BNC2: variants seen among roughly 807,000 people sequenced by gnomAD.
BNC2 encodes the protein basonuclin zinc finger protein 2.
BNC2 carries 20 observed loss-of-function variants against 76.3 expected under a neutral mutation model. The ratio of observed to expected loss-of-function variants is 0.26; its 90% CI spans 0.18 to 0.38. The LOEUF is 0.38. Among genes scored for constraint, BNC2 ranks in the 10% least tolerant of loss-of-function variants. The probability of loss-of-function intolerance (pLI) is 1.00; values close to 1 mark genes in which losing one functional copy is unlikely to be tolerated. For synonymous variants in BNC2, 582 were observed against 514.8 expected (o/e 1.13, Z -1.77); for missense variants, 1,382 against 1,399.8 (o/e 0.99, Z 0.20).
At chr9:16,686,442 C>G (rs1822981395) in intron 3 of BNC2, among the ~76,000 whole-genome samples, 1 of 152,076 alleles carries the variant, frequency 6.6e-6, no homozygotes, top group Non-Finnish European at 1.5e-5. Context: ...AACATGTTTT[C>G]TGCTTTTTAA....
intron 5 of BNC2, among the ~76,000 whole-genome samples, chr9:16,507,945 A>G (rs548827402): frequency 2.0e-5 from 3 of 152,220 alleles, no homozygotes; most frequent in African/African-American, 7.2e-5. Context: ...TCATTATTAT[A>G]ATACTTCACT....
intron 4 of BNC2, chr9:16,580,060 C>A (rs1003367337): frequency 5.0e-6 from 2 of 398,374 alleles, no homozygotes; most frequent in Non-Finnish European, 8.8e-6. Context: ...TTGCCCCACA[C>A]CCAGGACACT....
chr9:16,486,391 A>C (rs890872140), intron 5 of BNC2, among the ~76,000 whole-genome samples: 2 of 152,116 alleles, frequency 1.3e-5, no homozygotes, highest in Non-Finnish European at 2.9e-5. Flanking sequence ...TATTTGGTTA[A>C]ATGTTTAGGT....
intron 1 of BNC2, among the ~76,000 whole-genome samples, chr9:16,740,380 G>A (rs183484172): frequency 1.3e-5 from 2 of 152,296 alleles, no homozygotes; most frequent in East Asian, 1.9e-4. Context: ...GGTAACTCTA[G>A]TCTTCAGATG....
chr9:16,663,345 G>A (rs1472715066), intron 3 of BNC2, among the ~76,000 whole-genome samples: 1 of 151,750 alleles, frequency 6.6e-6, no homozygotes, highest in Admixed American at 6.6e-5. Flanking sequence ...CTTGGGGCTC[G>A]TCTCAAACTC....
chr9:16,784,079 A>T (rs1196046715), intron 1 of BNC2, among the ~76,000 whole-genome samples: 1 of 152,198 alleles, frequency 6.6e-6, no homozygotes, highest in African/African-American at 2.4e-5. Flanking sequence ...ATTCCTATTC[A>T]AGGAATGGAG....
chr9:16,475,162 G>C (rs911241265), intron 5 of BNC2, among the ~76,000 whole-genome samples: 2 of 152,168 alleles, frequency 1.3e-5, no homozygotes, highest in Admixed American at 1.3e-4. Flanking sequence ...ATGAAGATAA[G>C]GACACTGGGT....
chr9:16,546,410 T>C (rs1423742957), intron 5 of BNC2, among the ~76,000 whole-genome samples: 1 of 152,222 alleles, frequency 6.6e-6, no homozygotes, highest in Non-Finnish European at 1.5e-5. Flanking sequence ...CAGGAAAGAC[T>C]ACTTCATCTC....
In BNC2 at chr9:16,416,705, C is replaced by T. The variant is rs1263632397; in HGVS notation, c.*2284G>A. The T allele has an allele frequency of 6.6e-6, 1 of 152,612 alleles. No individual in the cohort carries two copies. The highest frequency in any genetic ancestry group is 1.9e-4 in the East Asian group (1 of 5,198). 9.5% of individuals were successfully genotyped at this position (152,612 alleles called of 1,614,324 possible). ...ACAAATGAAGAATTAAAATGGACCC[C>T]ATAGCATCCTCTGAAGGAGGTGAAA... On this transcript the variant is annotated 3_prime_UTR_variant, in exon 7 of 7. Coordinates refer to ENST00000380672, the MANE Select transcript of BNC2 (RefSeq NM_017637.6).
chr9:16,547,545 G>T (rs1818524220), intron 5 of BNC2, among the ~76,000 whole-genome samples: 1 of 152,174 alleles, frequency 6.6e-6, no homozygotes, highest in Non-Finnish European at 1.5e-5. Flanking sequence ...TGACTTAATT[G>T]ACTGATTTTA....
intron 5 of BNC2, among the ~76,000 whole-genome samples, chr9:16,520,912 G>A (rs543545392): frequency 6.6e-6 from 1 of 152,298 alleles, no homozygotes; most frequent in South Asian, 2.1e-4. Context: ...CAATTTTGAA[G>A]AATTTCCTCC....
At chr9:16,724,986 A>G (rs1238323051) in intron 3 of BNC2, among the ~76,000 whole-genome samples, 4 of 152,146 alleles carry the variant, frequency 2.6e-5, no homozygotes, top group African/African-American at 9.7e-5. Flanking sequence ...AATAAATTTT[A>G]TTCATTTCAT....
chr9:16,420,998 A>C (rs562069108), intron 6 of BNC2, among the ~76,000 whole-genome samples: 15 of 152,344 alleles, frequency 9.8e-5, no homozygotes, highest in Non-Finnish European at 1.9e-4. Context: ...ATTGTGATAA[A>C]AGAAATGACC....
chr9:16,648,165 G>C (rs1030241150), intron 3 of BNC2, among the ~76,000 whole-genome samples: 11 of 152,158 alleles, frequency 7.2e-5, no homozygotes, highest in African/African-American at 2.2e-4. Flanking sequence ...TCACTAGAGA[G>C]ATAAATGCTC....
At chr9:16,787,185 G>A (rs1826318867) in intron 1 of BNC2, among the ~76,000 whole-genome samples, 1 of 152,072 alleles carries the variant, frequency 6.6e-6, no homozygotes, top group Non-Finnish European at 1.5e-5. Context: ...CAAGACAAAG[G>A]TACAAAACTT....
At chr9:16,803,196 C>A (rs1563950301) in intron 1 of BNC2, among the ~76,000 whole-genome samples, 2 of 152,208 alleles carry the variant, frequency 1.3e-5, no homozygotes, top group Admixed American at 6.5e-5. Flanking sequence ...CACTCCTTGG[C>A]TCAATTGTGA....
At chr9:16,550,797 T>C (rs1222560227) in intron 5 of BNC2, among the ~76,000 whole-genome samples, 5 of 152,218 alleles carry the variant, frequency 3.3e-5, no homozygotes, top group South Asian at 2.1e-4. Context: ...AAAACACTTG[T>C]TGGTTTGGAA....
chr9:16,526,742 T>A (rs370182142), intron 5 of BNC2, among the ~76,000 whole-genome samples: 4 of 152,122 alleles, frequency 2.6e-5, no homozygotes, highest in African/African-American at 9.7e-5. Context: ...AGTGAGTTCA[T>A]AAAAAATAAA....
chr9:16,762,309 A>C (rs992913811), intron 1 of BNC2, among the ~76,000 whole-genome samples: 1 of 152,216 alleles, frequency 6.6e-6, no homozygotes, highest in Non-Finnish European at 1.5e-5. Context: ...ATCATCTCGT[A>C]CAAAATGCCT....
Sources: gnomAD v4.1 joint callset for allele counts (sites outside exome capture counted in the v4.1 genomes callset) on GRCh38, gnomAD v4.1.1 for gene constraint, MANE v1.5 for transcripts, NCBI Gene and HGNC (gene_info 2026-07-23, HGNC 2026-07-21) for gene names.